The following ZNF236 variants were observed in gnomAD, a reference collection of about 807,000 sequenced individuals.
ZNF236 encodes the protein regulated by glucose.
In ZNF236, 50 loss-of-function variants were observed where a neutral mutation model predicts 191.2. That is an observed-to-expected ratio of 0.26 (90% CI 0.21 to 0.33). ZNF236 has a LOEUF of 0.33. Ranked by LOEUF, ZNF236 falls within the 10% of genes least tolerant of loss-of-function variation. The pLI, the probability that ZNF236 is intolerant of heterozygous loss-of-function variation, is 1.00. For missense variants in ZNF236, 1,754 were observed against 2,374.5 expected, an observed-to-expected ratio of 0.74 and a Z score of 5.43; for synonymous variants, 907 against 928.8, an observed-to-expected ratio of 0.98 and a Z score of 0.43.
chr18:76,935,433 A>G (rs1967964851), intron 25 of ZNF236, among the ~76,000 whole-genome samples: 1 of 152,178 alleles, frequency 6.6e-6, no homozygotes, highest in Non-Finnish European at 1.5e-5. Flanking sequence ...TACATTTTTC[A>G]TGCTGCACAG....
chr18:76,926,147 C>T (rs767022230), intron 22 of ZNF236, among the ~76,000 whole-genome samples: 1 of 152,106 alleles, frequency 6.6e-6, no homozygotes, highest in Non-Finnish European at 1.5e-5. Context: ...TTTTCTGATA[C>T]GTTTAAAGTG....
At chr18:76,883,806 A>G (rs530206729) in intron 9 of ZNF236, among the ~76,000 whole-genome samples, 8 of 152,326 alleles carry the variant, frequency 5.3e-5, no homozygotes, top group East Asian at 1.9e-4. Flanking sequence ...CATAGTGATT[A>G]TATCTGAAAA....
chr18:76,889,851 G>C (rs1452265734), intron 9 of ZNF236, among the ~76,000 whole-genome samples: 3 of 152,212 alleles, frequency 2.0e-5, no homozygotes, highest in Admixed American at 6.5e-5. Flanking sequence ...AACAAGCACA[G>C]GCATCTGTGT....
chr18:76,892,146 TCTTTTTGAAATTTTCTTCTGGG>T (rs1568215512), intron 9 of ZNF236, among the ~76,000 whole-genome samples: 1 of 148,662 alleles, frequency 6.7e-6, no homozygotes, highest in African/African-American at 2.5e-5. Context: ...TTTTTTTTTT[TCTTTTTGAAATTTTCTTCTGGG>T]TTTTTTTTTT....
chr18:76,910,956 G>C (rs1967202888), intron 16 of ZNF236, 145 bp downstream of exon 16: 7 of 854,394 alleles, frequency 8.2e-6, no homozygotes, highest in Non-Finnish European at 1.2e-5. Flanking sequence ...CATTACCTGG[G>C]AAATCCTCAG....
chr18:76,826,766 C>T (rs1176946640), intron 1 of ZNF236, among the ~76,000 whole-genome samples: 1 of 149,052 alleles, frequency 6.7e-6, no homozygotes, highest in Admixed American at 6.7e-5. Context: ...CGCCACTGCA[C>T]TCCAGCCTGG....
chr18:76,849,428 CAT>C (rs770327767), intron 1 of ZNF236, 96 bp from the exon 2 acceptor site: 63 of 946,776 alleles, frequency 6.7e-5, no homozygotes, highest in Middle Eastern at 3.4e-4. Context: ...AAATCTCTGA[CAT>C]AATTTGGTTT....
chr18:76,952,231 A>G (rs1968427129), intron 27 of ZNF236, among the ~76,000 whole-genome samples: 1 of 152,240 alleles, frequency 6.6e-6, no homozygotes, highest in Non-Finnish European at 1.5e-5. Context: ...TGGAGGACAA[A>G]AAAAGCAAAG....
At chr18:76,830,120 C>T (rs999097663) in intron 1 of ZNF236, among the ~76,000 whole-genome samples, 14 of 152,028 alleles carry the variant, frequency 9.2e-5, no homozygotes, top group Admixed American at 6.5e-5. Flanking sequence ...CCACCCACCT[C>T]GGCCTCCCAA....
At chr18:76,890,275 T>G (rs1019801342) in intron 9 of ZNF236, among the ~76,000 whole-genome samples, 1 of 152,222 alleles carries the variant, frequency 6.6e-6, no homozygotes. Context: ...TAATGCCCTT[T>G]TAACTGTAAA....
At chr18:76,870,592 A>G (rs1293301577) in intron 4 of ZNF236, among the ~76,000 whole-genome samples, 1 of 152,178 alleles carries the variant, frequency 6.6e-6, no homozygotes, top group Non-Finnish European at 1.5e-5. Context: ...AGTTTCAGAT[A>G]GTGGTGAGTG....
At chr18:76,961,774 A>G (rs1343685791) in intron 30 of ZNF236, among the ~76,000 whole-genome samples, 1 of 151,968 alleles carries the variant, frequency 6.6e-6, no homozygotes, top group African/African-American at 2.4e-5. Flanking sequence ...CGTGAGTAAA[A>G]TGGTATCACA....
chr18:76,909,656 A>G (rs1967164205), intron 14 of ZNF236, among the ~76,000 whole-genome samples: 1 of 152,238 alleles, frequency 6.6e-6, no homozygotes. Flanking sequence ...TTCTTATCTC[A>G]CACAGGCATG....
chr18:76,863,591 C>CT (rs200474453), intron 3 of ZNF236, among the ~76,000 whole-genome samples: 696 of 144,586 alleles, frequency 4.8e-3, no homozygotes, highest in African/African-American at 0.015. Flanking sequence ...TATTCTTCTT[C>CT]TTTTTTTTTT....
intron 30 of ZNF236, among the ~76,000 whole-genome samples, chr18:76,962,935 G>GA (rs1394961267): frequency 6.6e-6 from 1 of 152,118 alleles, no homozygotes; most frequent in African/African-American, 2.4e-5. Context: ...TTTTTATCTG[G>GA]AAACTGCTGA....
intron 30 of ZNF236, among the ~76,000 whole-genome samples, chr18:76,962,295 A>G (rs1260010098): frequency 1.3e-5 from 2 of 151,706 alleles, no homozygotes; most frequent in African/African-American, 4.8e-5. Context: ...TTATCCCAGC[A>G]CTGTTTGTTG....
chr18:76,908,794 AAAAAAC>A (rs557166213), intron 14 of ZNF236, among the ~76,000 whole-genome samples: 1 of 152,074 alleles, frequency 6.6e-6, no homozygotes, highest in African/African-American at 2.4e-5. Flanking sequence ...TTCTTTTTTG[AAAAAAC>A]AAAAACAAAG....
chr18:76,942,494 A>G (rs1968154395), intron 26 of ZNF236, among the ~76,000 whole-genome samples: 1 of 151,840 alleles, frequency 6.6e-6, no homozygotes, highest in Non-Finnish European at 1.5e-5. Context: ...CTATTTTATA[A>G]TTTTTTTAAT....
intron 3 of ZNF236, among the ~76,000 whole-genome samples, chr18:76,860,550 C>T (rs1976186874): frequency 6.6e-6 from 1 of 152,222 alleles, no homozygotes; most frequent in South Asian, 2.1e-4. Context: ...GTGGTGCTCA[C>T]ATTCTTTGCT....
Sources: gnomAD v4.1 joint callset for allele counts (sites outside exome capture counted in the v4.1 genomes callset) on GRCh38, gnomAD v4.1.1 for gene constraint, MANE v1.5 for transcripts, NCBI Gene and HGNC (gene_info 2026-07-23, HGNC 2026-07-21) for gene names.